Variants in NAALAD2 observed in about 807,000 individuals in gnomAD.
The protein encoded by NAALAD2 is N-acetylated alpha-linked acidic dipeptidase 2.
Under a neutral mutation model 95.6 loss-of-function variants are expected in NAALAD2, and 89 were observed. That is an observed-to-expected ratio of 0.93 (90% CI 0.78 to 1.11). The LOEUF is 1.11. Ranked by LOEUF, NAALAD2 falls within the 50% of genes least tolerant of loss-of-function variation. NAALAD2 has a pLI of 0.00. For synonymous variants in NAALAD2, 264 were observed against 294.4 expected (o/e 0.90, Z 1.06); for missense variants, 894 against 872.4 (o/e 1.02, Z -0.31).
chr11:90,138,538 C>A (rs1218722904), intron 2 of NAALAD2, among the ~76,000 whole-genome samples: 1 of 152,058 alleles, frequency 6.6e-6, no homozygotes, highest in Non-Finnish European at 1.5e-5. Context: ...ATAATGGAAA[C>A]CCTTCTGCCA....
intron 13 of NAALAD2, among the ~76,000 whole-genome samples, chr11:90,171,638 C>T (rs369191674): frequency 6.6e-6 from 1 of 152,078 alleles, no homozygotes; most frequent in Non-Finnish European, 1.5e-5. Context: ...TGTGGGCATG[C>T]CAAGACCCAG....
At chr11:90,140,492 GT>G (rs142153479) in intron 2 of NAALAD2, among the ~76,000 whole-genome samples, 3,355 of 150,002 alleles carry the variant, frequency 0.022, 122 homozygotes, top group African/African-American at 0.077. Context: ...TCATTTATGA[GT>G]TTTTTTTAAA....
At chr11:90,187,975 C>CAG (rs1857209785) in intron 18 of NAALAD2, among the ~76,000 whole-genome samples, 1 of 152,132 alleles carries the variant, frequency 6.6e-6, no homozygotes, top group African/African-American at 2.4e-5. Context: ...AGAGAGACTC[C>CAG]AGTGCAGCCA....
chr11:90,179,809 A>G (rs1952908650), intron 16 of NAALAD2, among the ~76,000 whole-genome samples: 1 of 152,096 alleles, frequency 6.6e-6, no homozygotes, highest in African/African-American at 2.4e-5. Flanking sequence ...CTCTTTAGAC[A>G]AGGTTAATTC....
chr11:90,177,040 G>A (rs558602398), intron 15 of NAALAD2, among the ~76,000 whole-genome samples: 1 of 152,096 alleles, frequency 6.6e-6, no homozygotes, highest in Non-Finnish European at 1.5e-5. Flanking sequence ...GAAGGAGAAG[G>A]ACTGATAAGG....
chr11:90,131,817 G>A (rs1198838201), upstream of NAALAD2: 3 of 152,118 alleles, frequency 2.0e-5, no homozygotes, highest in African/African-American at 7.2e-5. Flanking sequence ...TGGAGGAAGT[G>A]GTGAGTTTTG....
At chr11:90,191,242 A>G (rs1429134007) in intron 18 of NAALAD2, among the ~76,000 whole-genome samples, 1 of 151,998 alleles carries the variant, frequency 6.6e-6, no homozygotes, top group East Asian at 1.9e-4. Flanking sequence ...ATAAACTTAC[A>G]TGTTATCACC....
upstream of NAALAD2, among the ~76,000 whole-genome samples, chr11:90,134,038 G>A (rs1347232271): frequency 1.3e-5 from 2 of 152,174 alleles, no homozygotes; most frequent in African/African-American, 4.8e-5. Flanking sequence ...TGGTGTCTGA[G>A]CTTTAGCATT....
intron 11 of NAALAD2, among the ~76,000 whole-genome samples, chr11:90,167,013 C>T (rs574281641): frequency 1.3e-5 from 2 of 152,264 alleles, no homozygotes; most frequent in Admixed American, 1.3e-4. Flanking sequence ...AGCCAGGCGT[C>T]GTGGTGAGAG....
chr11:90,132,441 GC>G, upstream of NAALAD2, among the ~76,000 whole-genome samples: 1 of 152,064 alleles, frequency 6.6e-6, no homozygotes, highest in Non-Finnish European at 1.5e-5. Context: ...ATTTTGATCT[GC>G]CTCTTGAGGG....
intron 6 of NAALAD2, among the ~76,000 whole-genome samples, chr11:90,156,430 T>C (rs1262149155): frequency 6.6e-6 from 1 of 152,124 alleles, no homozygotes; most frequent in Non-Finnish European, 1.5e-5. Flanking sequence ...TTTTGGCCTT[T>C]ATTTGTTCTT....
At chr11:90,158,707 G>T (rs1952198195) in intron 7 of NAALAD2, 1 of 172,406 alleles carries the variant, frequency 5.8e-6, no homozygotes, top group Non-Finnish European at 1.2e-5. Flanking sequence ...GATCATATGA[G>T]TAAAATACAT....
intron 11 of NAALAD2, among the ~76,000 whole-genome samples, chr11:90,165,830 T>C (rs866905909): frequency 1.3e-4 from 20 of 152,306 alleles, no homozygotes; most frequent in Admixed American, 1.2e-3. Context: ...TATAAACACA[T>C]ATAAACACAT....
chr11:90,133,828 T>A (rs1317968251), upstream of NAALAD2, among the ~76,000 whole-genome samples: 1 of 107,074 alleles, frequency 9.3e-6, no homozygotes, highest in Non-Finnish European at 1.9e-5. Context: ...GGAAAGAAAC[T>A]CTTTTTTTTT....
Position 90,177,991 on chromosome 11 carries a change from G to T in NAALAD2, c.1732G>T (p.Val578Leu), listed in dbSNP as rs774232914. Reference sequence around the variant, plus strand: ...ACGAGGAGCACTGGTATATGAGCTTGTGGATTCTAAAATCATTCCTTTTAA... The same window carrying T: ...ACGAGGAGCACTGGTATATGAGCTTTTGGATTCTAAAATCATTCCTTTTAA... The part of the protein sequence containing the change: ...QLRGALVYEL[V>L]DSKIIPFNIQ... The change falls in exon 16 of 19, where the codon GTG (valine) becomes TTG (leucine). Residue 578 changes from valine to leucine, a missense_variant. Coordinates refer to ENST00000534061, the MANE Select transcript of NAALAD2 (RefSeq NM_005467.4). 2.5e-6 allele frequency: 4 copies of T among 1,613,816 alleles called. No homozygotes were observed. Among genetic ancestry groups the T allele is most frequent in the South Asian group, 1.1e-5 (1 of 91,082 alleles).
intron 12 of NAALAD2, chr11:90,169,515 A>AAAAAAG (rs1555123572): frequency 5.3e-5 from 8 of 151,730 alleles, no homozygotes; most frequent in African/African-American, 1.8e-4. Context: ...CTCAAAAAAA[A>AAAAAAG]AAAAAGAAAA....
At chr11:90,189,280 AT>A (rs5793437) in intron 18 of NAALAD2, among the ~76,000 whole-genome samples, 17,186 of 152,182 alleles carry the variant, frequency 0.11, 1,015 homozygotes, top group South Asian at 0.17. Flanking sequence ...GGTGAGACTT[AT>A]GTCAGACCAA....
chr11:90,142,109 A>G (rs1460271853), intron 2 of NAALAD2, among the ~76,000 whole-genome samples: 1 of 152,190 alleles, frequency 6.6e-6, no homozygotes, highest in Non-Finnish European at 1.5e-5. Flanking sequence ...GGTTTTTATC[A>G]TGAATGGGTG....
In NAALAD2 at chr11:90,134,871, C is replaced by T. The variant is rs750535024; in HGVS notation, c.82+31C>T. The stretch of plus-strand genomic sequence containing the variant: ...TGAACAAAACACTCTACCCCGACTC[C>T]GGGGCTCGTGATTCTCTGCAGAGAT... On this transcript the variant is annotated intron_variant, in intron 1 of 18. Transcript: ENST00000534061. The T allele has an allele frequency of 5.0e-6, 8 of 1,607,994 alleles. No individual in the cohort carries two copies. In the African/African-American group the frequency reaches 5.4e-5, roughly 11 times the overall value.
Sources: gnomAD v4.1 joint callset for allele counts (sites outside exome capture counted in the v4.1 genomes callset) on GRCh38, gnomAD v4.1.1 for gene constraint, MANE v1.5 for transcripts, NCBI Gene and HGNC (gene_info 2026-07-23, HGNC 2026-07-21) for gene names.